Variants in MUC3A observed in about 807,000 individuals in gnomAD.
The protein encoded by MUC3A is mucin-3A.
Under a neutral mutation model 109.0 loss-of-function variants are expected in MUC3A, and 109 were observed. The observed-to-expected ratio is 1.00, with a 90% CI of 0.86 to 1.17. The LOEUF (loss-of-function observed/expected upper bound fraction) is 1.17. Among genes scored for constraint, MUC3A ranks in the 50% most tolerant of loss-of-function variants. The pLI, the probability that MUC3A is intolerant of heterozygous loss-of-function variation, is 0.00. For synonymous variants in MUC3A, 1,398 were observed against 981.4 expected, an observed-to-expected ratio of 1.42 and a Z score of -7.93; for missense variants, 3,537 against 2,469.4, an observed-to-expected ratio of 1.43 and a Z score of -9.16.
chr7:100,963,051 G>C (rs1257682294), intron 3 of MUC3A, 100 bp from the exon 4 acceptor site: 5 of 1,347,762 alleles, frequency 3.7e-6, no homozygotes, highest in Non-Finnish European at 5.1e-6. Context: ...GGATCTTGGA[G>C]GGGAGCAGCA....
Position 100,958,709 on chromosome 7 carries a change from G to A in MUC3A, c.6930G>A (p.Ser2310=), listed in dbSNP as rs372391962. The change falls in exon 2 of 12, where the codon TCG becomes TCA. Residue 2310 remains serine, a synonymous_variant. Transcript: ENST00000379458. ...TSHSTPSFTS[S]ITTTETTSHS... ...ACAGTACTCCCAGCTTCACTTCTTCGATCACCACCACGGAGACCACCTCAC... is the reference window on the plus strand; with the variant it reads ...ACAGTACTCCCAGCTTCACTTCTTCAATCACCACCACGGAGACCACCTCAC... The A allele has an allele frequency of 3.2e-3, 3,496 of 1,103,820 alleles. 32 individuals carry two copies. In the African/African-American group the frequency reaches 0.076, roughly 24 times the overall value. 68.4% of individuals were successfully genotyped at this position (1,103,820 alleles called of 1,614,324 possible). A position where few individuals can be genotyped will look rare whatever the true frequency, so the allele number is the denominator to read the frequency against.
At position 100,967,304 on chromosome 7, in the gene MUC3A, AT is replaced by A. The variant is rs1792631845; in HGVS notation, c.*143del. The A allele has an allele frequency of 1.5e-6, 2 of 1,335,540 alleles. No individual in the cohort carries two copies. The highest frequency in any genetic ancestry group is 2.0e-6 in the Non-Finnish European group (2 of 978,042). The allele number at this position is 1,335,540 out of a possible 1,614,324, so 82.7% of individuals were successfully genotyped here. A position where few individuals can be genotyped will look rare whatever the true frequency, so the allele number is the denominator to read the frequency against. ...GGGCAAGATGAGACTGTTCCCCCAA[AT>A]CCCATCCTTCTCCTTCCAACTTGGC... On this transcript the variant is annotated 3_prime_UTR_variant, in exon 12 of 12. Transcript: ENST00000379458.
Position 100,963,723 on chromosome 7 carries a change from C to T in MUC3A, c.9204C>T (p.Thr3068=). ...QKIFADMQGF[T]FKGVEILSLR... ...TTTTTGCAGACATGCAGGGCTTCAC[C>T]TTCAAGGGTGTGGAGATCCTGTCCC... The change falls in exon 5 of 12, where the codon ACC becomes ACT. Residue 3068 remains threonine, a synonymous_variant. Coordinates refer to ENST00000379458, the MANE Select transcript of MUC3A (RefSeq NM_005960.2). 6.3e-7 allele frequency: 1 copy of T among 1,598,546 alleles called. No individual in the cohort carries two copies. Among genetic ancestry groups the T allele is most frequent in the Non-Finnish European group, 8.5e-7 (1 of 1,179,826 alleles).
rs1295749141 is a variant in MUC3A at position 100,957,100 on chromosome 7, C to T, written c.5321C>T (p.Thr1774Ile). The change falls in exon 2 of 12, where the codon ACT (threonine) becomes ATT (isoleucine). Residue 1774 changes from threonine to isoleucine, a missense_variant. Transcript: ENST00000379458. Reference protein sequence around the residue: ...TSSITSTYTVTSMTTTTPLGP... With the variant: ...TSSITSTYTVISMTTTTPLGP... Reference sequence around the variant, plus strand: ...TCAATCACCTCCACATATACGGTGACTTCGATGACAACTACCACCCCTCTA... The same window carrying T: ...TCAATCACCTCCACATATACGGTGATTTCGATGACAACTACCACCCCTCTA... 1.3e-5 allele frequency: 6 copies of T among 470,962 alleles called. No individual in the cohort carries two copies. In the South Asian group the frequency reaches 3.8e-4, roughly 29 times the overall value. 29.2% of individuals were successfully genotyped at this position (470,962 alleles called of 1,614,324 possible).
At chr7:100,965,207 C>A (rs1792487368) in intron 6 of MUC3A, 75 bp from the exon 7 acceptor site, 27 of 1,562,912 alleles carry the variant, frequency 1.7e-5, no homozygotes, top group Middle Eastern at 3.3e-4. Flanking sequence ...GCCTATCCTG[C>A]CTCCTGGCGC....
chr7:100,965,677 CTG>C (rs1308969829), intron 7 of MUC3A, 25 bp from the exon 8 acceptor site: 10 of 1,587,756 alleles, frequency 6.3e-6, no homozygotes, highest in Non-Finnish European at 8.5e-6. Context: ...GTCCTTGTCT[CTG>C]TGCATCCCCC....
In MUC3A at chr7:100,959,001, G is replaced by C. The variant is rs768640080; in HGVS notation, c.7222G>C (p.Gly2408Arg). 1 of 1,313,882 alleles carries C rather than the reference G, an allele frequency of 7.6e-7. No individual in the cohort carries two copies. Among genetic ancestry groups the C allele is most frequent in the Non-Finnish European group, 9.7e-7 (1 of 1,031,170 alleles). The allele number at this position is 1,313,882 out of a possible 1,614,324, so 81.4% of individuals were successfully genotyped here. A position where few individuals can be genotyped will look rare whatever the true frequency, so the allele number is the denominator to read the frequency against. ...TTKTTSHITP[G>R]LTSSITTTET... ...CAAGACCACCTCACACATTACTCCTGGCCTCACTTCTTCAATCACCACCAC... is the reference window on the plus strand; with the variant it reads ...CAAGACCACCTCACACATTACTCCTCGCCTCACTTCTTCAATCACCACCAC... The change falls in exon 2 of 12, where the codon GGC becomes CGC. Residue 2408 changes from glycine (G) to arginine (R), a missense_variant. Coordinates refer to ENST00000379458, the MANE Select transcript of MUC3A (RefSeq NM_005960.2).
rs1030660720 is a variant in MUC3A at position 100,959,626 on chromosome 7, C to A, written c.7847C>A (p.Pro2616Gln). 1 of 1,598,340 alleles carries A rather than the reference C, an allele frequency of 6.3e-7. No homozygotes were observed. The highest frequency in any genetic ancestry group is 1.3e-5 in the African/African-American group (1 of 74,958). Residue 2616 changes from proline (P) to glutamine (Q), a missense_variant, in exon 2 of 12, where the codon CCA (proline) becomes CAA (glutamine). Pro to Gln is a moderately conservative substitution (Grantham distance 76). Transcript: ENST00000379458. ...SSTSTLHTLT[P>Q]STALSTIVST... is the part of the protein sequence containing the mutation. The stretch of plus-strand genomic sequence containing the variant: ...ACGTCCACTCTTCATACTCTTACTC[C>A]ATCAACAGCCTTGAGCACGATCGTG...
intron 3 of MUC3A, 46 bp downstream of exon 3, chr7:100,960,983 T>A (rs935897162): frequency 6.3e-7 from 1 of 1,598,254 alleles, no homozygotes; most frequent in Non-Finnish European, 8.5e-7. Flanking sequence ...CCACAGGGTG[T>A]CACTGACTCT....
At position 100,959,674 on chromosome 7, in the gene MUC3A, C is replaced by T. The variant is rs564248922; in HGVS notation, c.7895C>T (p.Pro2632Leu). 1 of 1,598,532 alleles carries T rather than the reference C, an allele frequency of 6.3e-7. No individual in the cohort carries two copies. The highest frequency in any genetic ancestry group is 8.5e-7 in the Non-Finnish European group (1 of 1,179,800). ...TIVSTSQVPI[P>L]STHSSTLQTT... ...GTGTCAACATCACAGGTTCCTATTCCTAGCACACATTCCTCCACCCTTCAA... is the reference window on the plus strand; with the variant it reads ...GTGTCAACATCACAGGTTCCTATTCTTAGCACACATTCCTCCACCCTTCAA... The change falls in exon 2 of 12, where the codon CCT becomes CTT. Residue 2632 changes from proline (P) to leucine (L), a missense_variant. Coordinates refer to ENST00000379458, the MANE Select transcript of MUC3A (RefSeq NM_005960.2).
At chr7:100,965,942 GC>G in intron 8 of MUC3A, 76 bp downstream of exon 8, 1 of 1,494,094 alleles carries the variant, frequency 6.7e-7, no homozygotes, top group African/African-American at 1.4e-5. Flanking sequence ...CCCATGCTCC[GC>G]CCCGGCTCCG....
At chr7:100,964,455 C>T (rs1792453199) in intron 5 of MUC3A, 1 of 595,612 alleles carries the variant, frequency 1.7e-6, no homozygotes, top group Non-Finnish European at 2.7e-6. Context: ...AAGACTTTGT[C>T]TCTATAAAAC....
chr7:100,965,400 C>CCA, intron 7 of MUC3A, 53 bp downstream of exon 7: 8 of 1,572,636 alleles, frequency 5.1e-6, no homozygotes, highest in Admixed American at 1.8e-5. Flanking sequence ...ATCCGGGCTA[C>CCA]CAGGGACATT....
At chr7:100,964,325 T>G in intron 5 of MUC3A, 1 of 242,978 alleles carries the variant, frequency 4.1e-6, no homozygotes, top group East Asian at 8.6e-5. Context: ...CCAGGCATGG[T>G]AGTGCACACC....
chr7:100,961,059 T>C, intron 3 of MUC3A, 122 bp downstream of exon 3: 2 of 1,550,082 alleles, frequency 1.3e-6, no homozygotes, highest in Admixed American at 4.0e-5. Flanking sequence ...CTTCCCTCCC[T>C]GCCATCTCTC....
chr7:100,966,236 A>C, intron 8 of MUC3A, 150 bp from the exon 9 acceptor site: 3 of 772,854 alleles, frequency 3.9e-6, no homozygotes, highest in Non-Finnish European at 5.1e-6. Flanking sequence ...CCCTCGTTCT[A>C]GGGTGGATTC....
Position 100,959,340 on chromosome 7 carries a change from A to AC in MUC3A, c.7562dup (p.Arg2522SerfsTer38). 1 of 1,548,406 alleles carries AC rather than the reference A, an allele frequency of 6.5e-7. No individual in the cohort carries two copies. Among genetic ancestry groups the AC allele is most frequent in the East Asian group, 2.2e-5 (1 of 44,584 alleles). ...ACCCACTGATATCAGTACCTTACCA[A>AC]CTCGAACACACATCATTTCATCTTC... On this transcript the variant is annotated frameshift_variant, in exon 2 of 12. Transcript: ENST00000379458. LOFTEE classifies it high-confidence loss of function.
At position 100,949,535 on chromosome 7, in the gene MUC3A, C is replaced by T. The variant is rs1312146560; in HGVS notation, c.-90C>T. The T allele has an allele frequency of 1.6e-6, 2 of 1,271,898 alleles. No homozygotes were observed. Among genetic ancestry groups the T allele is most frequent in the Non-Finnish European group, 2.1e-6 (2 of 965,946 alleles). 78.8% of individuals were successfully genotyped at this position (1,271,898 alleles called of 1,614,324 possible). On this transcript the variant is annotated 5_prime_UTR_variant, in exon 1 of 12. Coordinates refer to ENST00000379458, the MANE Select transcript of MUC3A (RefSeq NM_005960.2). The stretch of plus-strand genomic sequence containing the variant: ...CGCTCAGCAAAACCGATAACCAGCA[C>T]TTTCATTACGTGCACGCCCCAGGGC...
chr7:100,962,835 T>TTTC (rs1792382909), intron 3 of MUC3A, among the ~76,000 whole-genome samples: 1 of 6,292 alleles, frequency 1.6e-4, no homozygotes, highest in African/African-American at 6.0e-4. Context: ...CTTTCTTTCT[T>TTTC]TTTCTCTCTC....
Sources: gnomAD v4.1 joint callset for allele counts (sites outside exome capture counted in the v4.1 genomes callset) on GRCh38, gnomAD v4.1.1 for gene constraint, MANE v1.5 for transcripts, NCBI Gene and HGNC (gene_info 2026-07-23, HGNC 2026-07-21) for gene names.